Variants in CCDC68 observed in about 807,000 individuals in gnomAD.
CCDC68 encodes coiled-coil domain containing 68.
In CCDC68, 45 loss-of-function variants were observed where a neutral mutation model predicts 47.1. That is an observed-to-expected ratio of 0.96 (90% confidence interval 0.75 to 1.23). The LOEUF is 1.23. CCDC68 is among the 50% of genes most tolerant of loss of function. The pLI is 0.00. For synonymous variants in CCDC68, 131 were observed against 129.5 expected (o/e 1.01, Z -0.08); for missense variants, 353 against 373.6 (o/e 0.94, Z 0.45).
intron 9 of CCDC68, 31 bp downstream of exon 9, chr18:54,919,240 C>T (rs1321480905): frequency 1.3e-6 from 2 of 1,528,528 alleles, no homozygotes; most frequent in African/African-American, 1.4e-5. Context: ...AACATACTGT[C>T]TACCAGATAA....
chr18:54,942,146 G>C (rs182621302), intron 3 of CCDC68, among the ~76,000 whole-genome samples: 1 of 152,282 alleles, frequency 6.6e-6, no homozygotes, highest in Non-Finnish European at 1.5e-5. Context: ...GTAAGAAACA[G>C]TTAAGAATAT....
chr18:54,942,813 A>G lies in CCDC68; in HGVS notation c.-12-10T>C, dbSNP rs1295618845. On this transcript the variant is annotated splice_polypyrimidine_tract_variant and intron_variant, in intron 2 of 11. Transcript: ENST00000591504. Reference sequence around the variant, plus strand: ...TCATTGTGAATTCTGGCTTTAGGAAAACATAAATCAGCTAAGCAAAACAGA... The same window carrying G: ...TCATTGTGAATTCTGGCTTTAGGAAGACATAAATCAGCTAAGCAAAACAGA... 1.1e-5 allele frequency: 15 copies of G among 1,422,840 alleles called. No homozygotes were observed. The highest frequency in any genetic ancestry group is 1.5e-5 in the Non-Finnish European group (15 of 1,007,654). The allele number at this position is 1,422,840 out of a possible 1,614,324, so 88.1% of individuals were successfully genotyped here. A position where few individuals can be genotyped will look rare whatever the true frequency, so the allele number is the denominator to read the frequency against.
intron 1 of CCDC68, among the ~76,000 whole-genome samples, chr18:54,946,832 GT>G (rs554906167): frequency 0.026 from 3,822 of 148,332 alleles, 164 homozygotes; most frequent in African/African-American, 0.087. Context: ...AGGAAAATGA[GT>G]TTTTTTTTTT....
At chr18:54,956,052 C>A (rs1186965255) in intron 1 of CCDC68, among the ~76,000 whole-genome samples, 1 of 150,534 alleles carries the variant, frequency 6.6e-6, no homozygotes, top group South Asian at 2.1e-4. Flanking sequence ...TGCAATGGTG[C>A]AATCTTGGCT....
intron 8 of CCDC68, among the ~76,000 whole-genome samples, chr18:54,923,443 A>C (rs962586129): frequency 1.0e-3 from 151 of 151,136 alleles, no homozygotes; most frequent in African/African-American, 3.6e-3. Flanking sequence ...CTGTAAGTAA[A>C]AAAAAAAAAA....
At chr18:54,953,416 T>C (rs1246340075) in intron 1 of CCDC68, among the ~76,000 whole-genome samples, 1 of 152,228 alleles carries the variant, frequency 6.6e-6, no homozygotes, top group Admixed American at 6.5e-5. Flanking sequence ...TCACTGATTT[T>C]ATCAGAAGTA....
chr18:54,914,542 C>T (rs1049223538), intron 10 of CCDC68, among the ~76,000 whole-genome samples: 3 of 152,004 alleles, frequency 2.0e-5, no homozygotes, highest in East Asian at 1.9e-4. Flanking sequence ...TGCTTGAACC[C>T]GGGAGGCCAA....
intron 1 of CCDC68, among the ~76,000 whole-genome samples, chr18:54,953,812 T>A (rs928580411): frequency 3.9e-5 from 6 of 152,168 alleles, no homozygotes; most frequent in African/African-American, 1.4e-4. Context: ...TTAAATCTAA[T>A]TTGTGAACCT....
At chr18:54,959,189 A>T (rs2044760631) in intron 1 of CCDC68, 147 bp downstream of exon 1, 1 of 152,252 alleles carries the variant, frequency 6.6e-6, no homozygotes, top group African/African-American at 2.4e-5. Flanking sequence ...TTACCTCTTC[A>T]ACAAGGACCC....
chr18:54,928,194 G>C (rs972161979), intron 8 of CCDC68, among the ~76,000 whole-genome samples: 4 of 152,092 alleles, frequency 2.6e-5, no homozygotes, highest in African/African-American at 4.8e-5. Context: ...ATAATACAGA[G>C]ACTTTTTCTA....
At chr18:54,955,569 TG>T (rs1169889221) in intron 1 of CCDC68, among the ~76,000 whole-genome samples, 3 of 152,198 alleles carry the variant, frequency 2.0e-5, no homozygotes, top group Non-Finnish European at 2.9e-5. Flanking sequence ...AAAATGCATT[TG>T]CCATAATAGT....
chr18:54,919,878 T>A (rs1391497422), intron 8 of CCDC68, among the ~76,000 whole-genome samples: 5 of 152,202 alleles, frequency 3.3e-5, no homozygotes, highest in Admixed American at 6.5e-5. Flanking sequence ...TTTTATTTTT[T>A]ATTTTTTGGA....
In CCDC68 at chr18:54,904,241, T is replaced by C; in HGVS notation, c.*117A>G. Reference sequence around the variant, plus strand: ...ATCTTCTTGCAAAGCCATTGGTATGTAATAAGTTCCATTTAAATAATGGCA... The same window carrying C: ...ATCTTCTTGCAAAGCCATTGGTATGCAATAAGTTCCATTTAAATAATGGCA... On this transcript the variant is annotated 3_prime_UTR_variant, in exon 12 of 12. Coordinates refer to ENST00000591504, the MANE Select transcript of CCDC68 (RefSeq NM_025214.3). 1 of 758,656 alleles carries C rather than the reference T, an allele frequency of 1.3e-6. No individual in the cohort carries two copies. Among genetic ancestry groups the C allele is most frequent in the Non-Finnish European group, 2.3e-6 (1 of 438,968 alleles). 47.0% of individuals were successfully genotyped at this position (758,656 alleles called of 1,614,324 possible). A position where few individuals can be genotyped will look rare whatever the true frequency, so the allele number is the denominator to read the frequency against.
At chr18:54,933,343 A>G (rs1267443268) in intron 7 of CCDC68, among the ~76,000 whole-genome samples, 1 of 152,042 alleles carries the variant, frequency 6.6e-6, no homozygotes, top group African/African-American at 2.4e-5. Flanking sequence ...GGCCTCCCAA[A>G]GTGCTGGGAT....
chr18:54,919,831 G>T (rs2044023780), intron 8 of CCDC68, among the ~76,000 whole-genome samples: 1 of 152,084 alleles, frequency 6.6e-6, no homozygotes, highest in Non-Finnish European at 1.5e-5. Flanking sequence ...AATGATTCGG[G>T]CTTAGTATAT....
In CCDC68 at chr18:54,934,812, G is replaced by T; in HGVS notation, c.600+8C>A. ...GTAAGAAAATCCTCTAATTCTCCAG[G>T]GGCGTACCTTTTCCATTCTCTGTAC... On this transcript the variant is annotated splice_region_variant and intron_variant, in intron 7 of 11. Transcript: ENST00000591504. 3 of 1,489,796 alleles carry T rather than the reference G, an allele frequency of 2.0e-6. No individual in the cohort carries two copies. The highest frequency in any genetic ancestry group is 2.6e-5 in the East Asian group (1 of 38,906). 92.3% of individuals were successfully genotyped at this position (1,489,796 alleles called of 1,614,324 possible). A position where few individuals can be genotyped will look rare whatever the true frequency, so the allele number is the denominator to read the frequency against.
chr18:54,954,016 GCCTTC>G (rs2044668957), intron 1 of CCDC68, among the ~76,000 whole-genome samples: 2 of 56,070 alleles, frequency 3.6e-5, no homozygotes, highest in South Asian at 6.2e-4. Flanking sequence ...CCCTCCCCTC[GCCTTC>G]CCTTCCCTTC....
Position 54,936,881 on chromosome 18 carries a change from T to C in CCDC68, c.423A>G (p.Gln141=). The part of the protein sequence containing the change: ...AQRLFENYQT[Q]SEEVRKKQED... Reference sequence around the variant, plus strand: ...CCTGCTTCTTTCTCACTTCTTCAGATTGCGTTTGGTAGTTTTCAAATAATC... The same window carrying C: ...CCTGCTTCTTTCTCACTTCTTCAGACTGCGTTTGGTAGTTTTCAAATAATC... The change falls in exon 6 of 12, where the codon CAA becomes CAG. Residue 141 remains glutamine (Q), a synonymous_variant. Transcript: ENST00000591504. The C allele has an allele frequency of 2.5e-6, 4 of 1,614,122 alleles. No individual in the cohort carries two copies. Among genetic ancestry groups the C allele is most frequent in the Non-Finnish European group, 3.4e-6 (4 of 1,179,980 alleles).
chr18:54,941,807 T>G (rs1223811152), intron 3 of CCDC68, among the ~76,000 whole-genome samples: 1 of 152,160 alleles, frequency 6.6e-6, no homozygotes, highest in Non-Finnish European at 1.5e-5. Flanking sequence ...ATTATTATAA[T>G]TTTTTTGAGA....
Sources: gnomAD v4.1 joint callset for allele counts (sites outside exome capture counted in the v4.1 genomes callset) on GRCh38, gnomAD v4.1.1 for gene constraint, MANE v1.5 for transcripts, NCBI Gene and HGNC (gene_info 2026-07-23, HGNC 2026-07-21) for gene names.